Variants in SKI observed in about 807,000 individuals in gnomAD.
SKI encodes the protein SKI proto-oncogene, also known as ski oncogene.
Under a neutral mutation model 59.3 loss-of-function variants are expected in SKI, and 23 were observed. That is an observed-to-expected ratio of 0.39 (90% CI 0.28 to 0.55). SKI has a LOEUF of 0.55. SKI is among the 20% of genes least tolerant of loss of function. The pLI is 0.67. For missense variants in SKI, 1,017 were observed against 1,038.9 expected (o/e 0.98, Z 0.29); for synonymous variants, 673 against 488.6 (o/e 1.38, Z -4.98).
intron 1 of SKI, among the ~76,000 whole-genome samples, chr1:2,240,323 G>A (rs568677085): frequency 1.3e-5 from 2 of 152,376 alleles, no homozygotes; most frequent in Admixed American, 6.5e-5. Flanking sequence ...GGAGTCCTGG[G>A]CCTGGAGGAA....
chr1:2,266,017 G>A (rs929795812), intron 1 of SKI, among the ~76,000 whole-genome samples: 1 of 152,082 alleles, frequency 6.6e-6, no homozygotes, highest in Non-Finnish European at 1.5e-5. Context: ...TCTAGACTGC[G>A]TTCAGTTATT....
rs535684960 is a variant in SKI at position 2,268,701 on chromosome 1, T to G, written c.970-34277T>G. On this transcript the variant is annotated intron_variant, in intron 1 of 6. Transcript: ENST00000378536. The surrounding 1 kb of genome is among the most constrained non-coding windows in gnomAD (Gnocchi z 5.0). ...GAGTCTTTTTCTGGCCTGTGAGGGC[T>G]GCAGAGCAGCGTGCCCAGGGGCTGT... 6.6e-6 allele frequency among the ~76,000 whole-genome samples: 1 copy of G among 152,320 alleles called. No homozygotes were observed. The highest frequency in any genetic ancestry group is 1.5e-5 in the Non-Finnish European group (1 of 68,010).
chr1:2,271,159 C>G (rs1242615460), intron 1 of SKI, among the ~76,000 whole-genome samples: 1 of 152,132 alleles, frequency 6.6e-6, no homozygotes, highest in Non-Finnish European at 1.5e-5. Flanking sequence ...TTGGCGACCC[C>G]AGGGTCCCGG....
chr1:2,277,394 G>A lies in SKI; in HGVS notation c.970-25584G>A, dbSNP rs577145109. Among the ~76,000 whole-genome samples, 5 of 152,230 alleles carry A rather than the reference G, an allele frequency of 3.3e-5. No homozygotes were observed. The East Asian group carries it at 9.7e-4, about 29-fold the overall frequency. On this transcript the variant is annotated intron_variant, in intron 1 of 6. Coordinates refer to ENST00000378536, the MANE Select transcript of SKI (RefSeq NM_003036.4). ...GGGAGGCAATTGAATCATCGGGCTG[G>A]TCTTTTCTGTGCTATTCTCGTGATA...
rs1030073723 is a variant in SKI at position 2,276,706 on chromosome 1, A to G, written c.970-26272A>G. Among the ~76,000 whole-genome samples, 5 of 152,324 alleles carry G rather than the reference A, an allele frequency of 3.3e-5. No individual in the cohort carries two copies. In the South Asian group the frequency reaches 8.3e-4, roughly 25 times the overall value. On this transcript the variant is annotated intron_variant, in intron 1 of 6. Coordinates refer to ENST00000378536, the MANE Select transcript of SKI (RefSeq NM_003036.4). ...CACCCCAACCTGGGGTGTTCCACCA[A>G]GAGGGGTACAGTGGCCTCCACTGTG...
rs953235869 is a variant in SKI at position 2,267,985 on chromosome 1, C to T, written c.970-34993C>T. Among the ~76,000 whole-genome samples, 2 of 152,156 alleles carry T rather than the reference C, an allele frequency of 1.3e-5. No homozygotes were observed. The highest frequency in any genetic ancestry group is 2.4e-5 in the African/African-American group (1 of 41,438). ...GGCTCTGTGGGTGCCGGGCAGAGGCCTCCCAGGCTGGGCAGCCGCCACCCC... is the reference window on the plus strand; with the variant it reads ...GGCTCTGTGGGTGCCGGGCAGAGGCTTCCCAGGCTGGGCAGCCGCCACCCC... On this transcript the variant is annotated intron_variant, in intron 1 of 6. Coordinates refer to ENST00000378536, the MANE Select transcript of SKI (RefSeq NM_003036.4). This position sits in a 1 kb window ranked among gnomAD's most constrained non-coding sequence, Gnocchi z 4.1.
chr1:2,294,460 G>A (rs963486017), intron 1 of SKI, among the ~76,000 whole-genome samples: 1 of 152,222 alleles, frequency 6.6e-6, no homozygotes, highest in Non-Finnish European at 1.5e-5. Flanking sequence ...TGGGGACCAG[G>A]GCAGGCCCCA....
At position 2,229,519 on chromosome 1, in the gene SKI, C is replaced by G; in HGVS notation, c.753C>G (p.Arg251=). The G allele has an allele frequency of 6.2e-7, 1 of 1,611,280 alleles. No individual in the cohort carries two copies. Among genetic ancestry groups the G allele is most frequent in the South Asian group, 1.1e-5 (1 of 91,064 alleles). The part of the protein sequence containing the change: ...SAACIQCLDC[R]LMYPPHKFVV... ...CCTGCATCCAGTGCCTGGACTGCCG[C>G]CTCATGTACCCGCCGCACAAGTTCG... is the stretch of plus-strand genomic sequence containing the variant. Residue 251 remains arginine (R), a synonymous_variant, in exon 1 of 7, where the codon CGC becomes CGG. Transcript: ENST00000378536. The surrounding 1 kb of genome is among the most constrained non-coding windows in gnomAD (Gnocchi z 6.3).
chr1:2,264,936 G>T (rs568007966), intron 1 of SKI, among the ~76,000 whole-genome samples: 1 of 151,612 alleles, frequency 6.6e-6, no homozygotes, highest in African/African-American at 2.4e-5. Flanking sequence ...TCAGCCTCCC[G>T]CGTACCTGGG....
intron 1 of SKI, among the ~76,000 whole-genome samples, chr1:2,241,035 C>T (rs570035968): frequency 1.3e-5 from 2 of 152,326 alleles, no homozygotes; most frequent in East Asian, 1.9e-4. Flanking sequence ...ACATCCCTGG[C>T]CTCTGCCATT....
At chr1:2,293,170 T>G (rs2643886) in intron 1 of SKI, among the ~76,000 whole-genome samples, 133,841 of 152,286 alleles carry the variant, frequency 0.88, 59,047 homozygotes, top group African/African-American at 0.95. Flanking sequence ...GAGCTGGGGG[T>G]TGGGGCAGGC....
intron 1 of SKI, among the ~76,000 whole-genome samples, chr1:2,282,662 C>T (rs1639919817): frequency 6.6e-6 from 1 of 152,234 alleles, no homozygotes; most frequent in African/African-American, 2.4e-5. Flanking sequence ...TCCCAGCCCT[C>T]CACCCTCATG....
At chr1:2,252,466 TA>T (rs1415284012) in intron 1 of SKI, among the ~76,000 whole-genome samples, 1 of 152,158 alleles carries the variant, frequency 6.6e-6, no homozygotes, top group Non-Finnish European at 1.5e-5. Context: ...AGGGCCCCTT[TA>T]TGTCATGGTG....
At chr1:2,290,034 G>C (rs978457715) in intron 1 of SKI, among the ~76,000 whole-genome samples, 1 of 152,196 alleles carries the variant, frequency 6.6e-6, no homozygotes, top group Admixed American at 6.5e-5. Flanking sequence ...TTGTGCCCTA[G>C]CACAGAGACC....
chr1:2,303,258 C>T lies in SKI; in HGVS notation c.1096-27C>T. The T allele has an allele frequency of 2.5e-6, 4 of 1,609,886 alleles. No homozygotes were observed. Among genetic ancestry groups the T allele is most frequent in the Non-Finnish European group, 3.4e-6 (4 of 1,177,458 alleles). ...AAGTGGCTTGTTTTTCTCCTGGTCA[C>T]TCACACAGACAACTCTTTCTCGACA... is the stretch of plus-strand genomic sequence containing the variant. On this transcript the variant is annotated intron_variant, in intron 2 of 6. Transcript: ENST00000378536. This position sits in a 1 kb window ranked among gnomAD's most constrained non-coding sequence, Gnocchi z 5.6.
At chr1:2,285,489 T>C (rs1191552765) in intron 1 of SKI, among the ~76,000 whole-genome samples, 1 of 150,624 alleles carries the variant, frequency 6.6e-6, no homozygotes, top group Non-Finnish European at 1.5e-5. Context: ...CACTCCAGCC[T>C]GGGTGACAAA....
At chr1:2,246,809 C>T (rs1045193831) in intron 1 of SKI, among the ~76,000 whole-genome samples, 4 of 152,064 alleles carry the variant, frequency 2.6e-5, no homozygotes, top group East Asian at 1.9e-4. Flanking sequence ...TGAAGGGGCA[C>T]CTACCGTGTG....
At chr1:2,273,519 CCT>C (rs1232793168) in intron 1 of SKI, among the ~76,000 whole-genome samples, 1 of 152,176 alleles carries the variant, frequency 6.6e-6, no homozygotes, top group Admixed American at 6.5e-5. Context: ...CCTGGCCCTG[CCT>C]CTGTTACTGA....
At chr1:2,290,944 G>A (rs977452554) in intron 1 of SKI, among the ~76,000 whole-genome samples, 1 of 152,244 alleles carries the variant, frequency 6.6e-6, no homozygotes, top group Non-Finnish European at 1.5e-5. Flanking sequence ...CTCTCATTCT[G>A]GATGGAAAGG....
Sources: gnomAD v4.1 joint callset for allele counts (sites outside exome capture counted in the v4.1 genomes callset) on GRCh38, gnomAD v4.1.1 for gene constraint, Gnocchi (gnomAD v3.1) non-coding constraint, MANE v1.5 for transcripts, NCBI Gene and HGNC (gene_info 2026-07-23, HGNC 2026-07-21) for gene names.